Variants in PKIG observed in about 807,000 individuals in gnomAD.
PKIG encodes protein kinase (cAMP-dependent, catalytic) inhibitor gamma.
A neutral mutation model predicts 6.8 loss-of-function variants in PKIG; 1 was observed. The ratio of observed to expected loss-of-function variants is 0.15; its 90% CI spans 0.05 to 0.69. The LOEUF (loss-of-function observed/expected upper bound fraction) is 0.69. Among genes scored for constraint, PKIG ranks in the 30% least tolerant of loss-of-function variants. The pLI is 0.82. For synonymous variants in PKIG, 39 were observed against 43.0 expected (o/e 0.91, Z 0.36); for missense variants, 77 against 104.0 (o/e 0.74, Z 1.13).
At chr20:44,577,722 T>C (rs1337708015), upstream of PKIG, among the ~76,000 whole-genome samples, 1 of 152,140 alleles carries the variant, frequency 6.6e-6, no homozygotes, top group Non-Finnish European at 1.5e-5. Flanking sequence ...AAACCTGCCT[T>C]TGATGGGTGA....
chr20:44,609,066 ACT>A (rs1359253296), intron 2 of PKIG, among the ~76,000 whole-genome samples: 2 of 152,072 alleles, frequency 1.3e-5, no homozygotes, highest in Admixed American at 6.5e-5. Context: ...TTTGCTGTTG[ACT>A]CTAAAGATGA....
intron 1 of PKIG, among the ~76,000 whole-genome samples, chr20:44,588,549 C>T (rs772420293): frequency 5.9e-5 from 9 of 151,666 alleles, no homozygotes; most frequent in Non-Finnish European, 1.3e-4. Context: ...GAGGCTGAGG[C>T]GGAAGAATTG....
In PKIG at chr20:44,569,442, C is replaced by T. The variant is rs1462227661; in HGVS notation, c.-240-13143C>T. 3.9e-5 allele frequency among the ~76,000 whole-genome samples: 6 copies of T among 151,930 alleles called. No homozygotes were observed. In the South Asian group the frequency reaches 6.2e-4, roughly 16 times the overall value. The stretch of plus-strand genomic sequence containing the variant: ...AAACATTCAGAACAGAAAGATATAG[C>T]GATGAAAGTAAAAAAAATCCCCACT... On this transcript the variant is annotated intron_variant, in intron 1 of 4. Transcript: ENST00000372887.
intron 3 of PKIG, among the ~76,000 whole-genome samples, chr20:44,615,163 A>C (rs374889955): frequency 2.7e-5 from 4 of 149,554 alleles, no homozygotes; most frequent in South Asian, 4.2e-4. Context: ...CAGTGGCTTC[A>C]CTGAGTGAAG....
intron 1 of PKIG, among the ~76,000 whole-genome samples, chr20:44,533,486 C>T (rs1285387806): frequency 6.6e-6 from 1 of 152,096 alleles, no homozygotes; most frequent in Non-Finnish European, 1.5e-5. Context: ...TGAAAGGGGG[C>T]GCATGTTAAG....
At chr20:44,607,293 G>A (rs1379302654) in intron 2 of PKIG, among the ~76,000 whole-genome samples, 1 of 151,480 alleles carries the variant, frequency 6.6e-6, no homozygotes, top group Non-Finnish European at 1.5e-5. Context: ...TGGCTTCAGA[G>A]TGATCTACAG....
At chr20:44,556,466 G>A (rs2123218259) in intron 1 of PKIG, among the ~76,000 whole-genome samples, 1 of 152,170 alleles carries the variant, frequency 6.6e-6, no homozygotes, top group South Asian at 2.1e-4. Flanking sequence ...GGGTTCAAGT[G>A]ATTCTCCTGT....
intron 1 of PKIG, among the ~76,000 whole-genome samples, chr20:44,556,843 T>C (rs1246312049): frequency 6.6e-6 from 1 of 152,162 alleles, no homozygotes; most frequent in Admixed American, 6.6e-5. Context: ...CTTCATAAGA[T>C]TTTCTTTCTT....
At chr20:44,587,150 G>A (rs1351442312) in intron 1 of PKIG, among the ~76,000 whole-genome samples, 2 of 152,198 alleles carry the variant, frequency 1.3e-5, no homozygotes, top group Non-Finnish European at 2.9e-5. Context: ...CACTGCCTCT[G>A]GTCTTGTGGA....
intron 1 of PKIG, among the ~76,000 whole-genome samples, chr20:44,551,880 T>G (rs1246882156): frequency 6.6e-6 from 1 of 152,244 alleles, no homozygotes; most frequent in Non-Finnish European, 1.5e-5. Flanking sequence ...TATTCATTTA[T>G]TCTGTTGTAT....
chr20:44,578,156 C>T (rs1242408508), upstream of PKIG, among the ~76,000 whole-genome samples: 3 of 151,422 alleles, frequency 2.0e-5, no homozygotes, highest in Admixed American at 6.6e-5. Context: ...CTGGTTAACA[C>T]GGTGAAACCC....
Position 44,536,093 on chromosome 20 carries a change from A to G in PKIG, c.-241+4115A>G, listed in dbSNP as rs894415262. ...CTTTCTGTGACGGGCTTATTTCACTAGCATAGTGTCCTCAAGGTTCATCCT... is the reference window on the plus strand; with the variant it reads ...CTTTCTGTGACGGGCTTATTTCACTGGCATAGTGTCCTCAAGGTTCATCCT... On this transcript the variant is annotated intron_variant, in intron 1 of 4. Coordinates refer to the PKIG transcript ENST00000372887. Among the ~76,000 whole-genome samples the G allele has an allele frequency of 6.6e-5, 10 of 152,354 alleles. No homozygotes were observed. In the South Asian group the frequency reaches 1.7e-3, roughly 25 times the overall value.
At chr20:44,618,247 A>G in intron 3 of PKIG, 38 bp from the exon 4 acceptor site, 1 of 1,315,172 alleles carries the variant, frequency 7.6e-7, no homozygotes, top group Non-Finnish European at 1.1e-6. Flanking sequence ...TACTTTGTGT[A>G]TATGTGCCCA....
chr20:44,584,735 T>C (rs2064976096), intron 1 of PKIG, among the ~76,000 whole-genome samples: 1 of 151,822 alleles, frequency 6.6e-6, no homozygotes, highest in African/African-American at 2.4e-5. Context: ...TTTTTTTTTT[T>C]TTGAGACGGA....
At chr20:44,547,684 G>C (rs1600841851) in intron 1 of PKIG, among the ~76,000 whole-genome samples, 1 of 152,200 alleles carries the variant, frequency 6.6e-6, no homozygotes, top group African/African-American at 2.4e-5. Flanking sequence ...TTTGGACACC[G>C]ACCTTTCTGA....
chr20:44,601,490 C>T (rs12479675), intron 2 of PKIG, among the ~76,000 whole-genome samples: 3,327 of 152,364 alleles, frequency 0.022, 178 homozygotes, highest in Admixed American at 0.14. Context: ...TTGGAATATT[C>T]TCATTTTGGG....
At chr20:44,536,106 C>G (rs1176234997) in intron 1 of PKIG, among the ~76,000 whole-genome samples, 3 of 152,204 alleles carry the variant, frequency 2.0e-5, no homozygotes, top group African/African-American at 7.2e-5. Context: ...ATAGTGTCCT[C>G]AAGGTTCATC....
intron 1 of PKIG, among the ~76,000 whole-genome samples, chr20:44,547,762 C>T (rs769554187): frequency 2.1e-4 from 32 of 152,124 alleles, no homozygotes; most frequent in Admixed American, 1.4e-3. Context: ...TGGCGGGGCG[C>T]GGTTGCTCAT....
chr20:44,575,959 C>T (rs2064893463), intron 1 of PKIG, among the ~76,000 whole-genome samples: 2 of 152,178 alleles, frequency 1.3e-5, no homozygotes, highest in Non-Finnish European at 2.9e-5. Context: ...ATGGTGCTTT[C>T]TTGTCCTTGT....
Sources: gnomAD v4.1 joint callset for allele counts (sites outside exome capture counted in the v4.1 genomes callset) on GRCh38, gnomAD v4.1.1 for gene constraint, MANE v1.5 for transcripts, NCBI Gene and HGNC (gene_info 2026-07-23, HGNC 2026-07-21) for gene names.